Variants in PCNX4 observed in about 807,000 individuals in gnomAD.
PCNX4 encodes the protein pecanex 4.
Under a neutral mutation model 107.2 loss-of-function variants are expected in PCNX4, and 103 were observed. The observed-to-expected ratio is 0.96, with a 90% confidence interval of 0.82 to 1.13. The LOEUF is 1.13. Among genes scored for constraint, PCNX4 ranks in the 50% most tolerant of loss-of-function variants. PCNX4 has a pLI of 0.00. For missense variants in PCNX4, 1,528 were observed against 1,379.4 expected, an observed-to-expected ratio of 1.11 and a Z score of -1.71; for synonymous variants, 541 against 481.7, an observed-to-expected ratio of 1.12 and a Z score of -1.61.
rs191875588 is a variant in PCNX4 at position 60,147,666 on chromosome 14, A to G, written c.*13445A>G. 1.3e-3 allele frequency: 191 copies of G among 152,336 alleles called. No homozygotes were observed. Among genetic ancestry groups the G allele is most frequent in the Admixed American group, 0.011 (164 of 15,306 alleles). The allele number at this position is 152,336 out of a possible 1,614,324, so 9.4% of individuals were successfully genotyped here. ...CATATATTAAATTCATGTAATTCCC[A>G]TAACAATCCTGTGACTGGGCACTAT... is the stretch of plus-strand genomic sequence containing the variant. On this transcript the variant is annotated 3_prime_UTR_variant, in exon 11 of 11. Coordinates refer to ENST00000406854, the MANE Select transcript of PCNX4 (RefSeq NM_001330177.2).
At chr14:60,099,935 C>A (rs1895497690) in intron 1 of PCNX4, among the ~76,000 whole-genome samples, 2 of 151,834 alleles carry the variant, frequency 1.3e-5, no homozygotes, top group African/African-American at 4.8e-5. Flanking sequence ...GGTGGTGGCT[C>A]ATACCTTTCG....
In PCNX4 at chr14:60,125,639, A is replaced by G; in HGVS notation, c.3083A>G (p.Tyr1028Cys). ...LFQLALKAFR[Y>C]TLKLMIDKAS... ...CTTCGGTTCTCCATTTTTTTTAGGTATACTCTGAAACTAATGATTGATAAA... is the reference window on the plus strand; with the variant it reads ...CTTCGGTTCTCCATTTTTTTTAGGTGTACTCTGAAACTAATGATTGATAAA... The change falls in exon 10 of 11, where the codon TAT becomes TGT. Residue 1028 changes from tyrosine to cysteine, a missense_variant and splice_region_variant. Tyr to Cys is a radical substitution (Grantham distance 194). Transcript: ENST00000406854. The G allele has an allele frequency of 2.7e-6, 4 of 1,487,312 alleles. No individual in the cohort carries two copies. The highest frequency in any genetic ancestry group is 1.4e-5 in the South Asian group (1 of 71,004). 92.1% of individuals were successfully genotyped at this position (1,487,312 alleles called of 1,614,324 possible).
At position 60,124,325 on chromosome 14, in the gene PCNX4, T is replaced by G; in HGVS notation, c.2154T>G (p.Asn718Lys). The G allele has an allele frequency of 1.2e-6, 2 of 1,612,492 alleles. No homozygotes were observed. Among genetic ancestry groups the G allele is most frequent in the Non-Finnish European group, 1.7e-6 (2 of 1,179,046 alleles). The change falls in exon 9 of 11, where the codon AAT becomes AAG. Residue 718 changes from asparagine to lysine, a missense_variant. Transcript: ENST00000406854. Reference protein sequence around the residue: ...EQEYTRVCSLNEHFGNVLTPC... With the variant: ...EQEYTRVCSLKEHFGNVLTPC... ...AATACACAAGAGTATGTTCCCTTAA[T>G]GAACACTTTGGAAATGTCTTGACAC...
At position 60,139,372 on chromosome 14, in the gene PCNX4, AAGAG is replaced by A. The variant is rs1896281040; in HGVS notation, c.*5155_*5158del. On this transcript the variant is annotated 3_prime_UTR_variant, in exon 11 of 11. Coordinates refer to ENST00000406854, the MANE Select transcript of PCNX4 (RefSeq NM_001330177.2). ...AGACCTTAAGGTGAAAAGTATTACAAAGAGAGACAATTTGTAATGATAAAAGATT... is the reference window on the plus strand; with the variant it reads ...AGACCTTAAGGTGAAAAGTATTACAAAGACAATTTGTAATGATAAAAGATT... 6.6e-6 allele frequency: 1 copy of A among 151,836 alleles called. No individual in the cohort carries two copies. The highest frequency in any genetic ancestry group is 2.1e-4 in the South Asian group (1 of 4,782). The allele number at this position is 151,836 out of a possible 1,614,324, so 9.4% of individuals were successfully genotyped here. A position where few individuals can be genotyped will look rare whatever the true frequency, so the allele number is the denominator to read the frequency against.
At position 60,115,394 on chromosome 14, in the gene PCNX4, T is replaced by G. The variant is rs768457074; in HGVS notation, c.1290T>G (p.Thr430=). Residue 430 remains threonine, a synonymous_variant, in exon 4 of 11, where the codon ACT becomes ACG. Transcript: ENST00000406854. Reference sequence around the variant, plus strand: ...ATCCGAAGGATGTGCAAACTGTGACTGTATTCTTTGAGAAGCAAACTAGGC... The same window carrying G: ...ATCCGAAGGATGTGCAAACTGTGACGGTATTCTTTGAGAAGCAAACTAGGC... ...PFYPKDVQTV[T]VFFEKQTRLM... is the part of the protein sequence containing the mutation. 2 of 1,577,524 alleles carry G rather than the reference T, an allele frequency of 1.3e-6. No homozygotes were observed. Among genetic ancestry groups the G allele is most frequent in the Non-Finnish European group, 1.7e-6 (2 of 1,163,788 alleles).
At chr14:60,127,667 A>G (rs1178865538) in intron 10 of PCNX4, among the ~76,000 whole-genome samples, 2 of 152,250 alleles carry the variant, frequency 1.3e-5, no homozygotes, top group Admixed American at 6.5e-5. Context: ...ACCAGCACCC[A>G]GAATTTCTAC....
At chr14:60,098,545 C>A (rs1895470044) in intron 1 of PCNX4, among the ~76,000 whole-genome samples, 1 of 152,206 alleles carries the variant, frequency 6.6e-6, no homozygotes, top group South Asian at 2.1e-4. Flanking sequence ...TTCAGTCTTT[C>A]TTTTCTAGTA....
intron 1 of PCNX4, among the ~76,000 whole-genome samples, chr14:60,100,141 A>G (rs1895501427): frequency 6.6e-6 from 1 of 152,166 alleles, no homozygotes; most frequent in Non-Finnish European, 1.5e-5. Flanking sequence ...AATGCCCTTC[A>G]TATATGAAAA....
In PCNX4 at chr14:60,133,988, G is replaced by A. The variant is rs748068431; in HGVS notation, c.3286G>A (p.Val1096Met). 1.2e-6 allele frequency: 2 copies of A among 1,612,960 alleles called. No homozygotes were observed. Among genetic ancestry groups the A allele is most frequent in the Non-Finnish European group, 1.7e-6 (2 of 1,179,266 alleles). Residue 1096 changes from valine to methionine, a missense_variant, in exon 11 of 11, where the codon GTG (valine) becomes ATG (methionine). Coordinates refer to ENST00000406854, the MANE Select transcript of PCNX4 (RefSeq NM_001330177.2). ...TTTAAAGGGAATTTACACTGGGAGA[G>A]TGCTTAGCCTTCAAGAATTATTGAT... The part of the protein sequence containing the change: ...DSNMGIYTGR[V>M]LSLQELLIQV...
Position 60,145,025 on chromosome 14 carries a change from G to A in PCNX4, c.*10804G>A. 2 of 1,573,246 alleles carry A rather than the reference G, an allele frequency of 1.3e-6. No homozygotes were observed. Among genetic ancestry groups the A allele is most frequent in the Non-Finnish European group, 1.7e-6 (2 of 1,165,938 alleles). Reference sequence around the variant, plus strand: ...GAAGAGTCTGCATCCTGTAAAAGAGGGACAGAAACATGGATCAGTACCTAC... The same window carrying A: ...GAAGAGTCTGCATCCTGTAAAAGAGAGACAGAAACATGGATCAGTACCTAC... On this transcript the variant is annotated 3_prime_UTR_variant, in exon 11 of 11. Transcript: ENST00000406854. This position sits in a 1 kb window ranked among gnomAD's most constrained non-coding sequence, Gnocchi z 4.0.
In PCNX4 at chr14:60,124,509, G is replaced by A. The variant is rs573224545; in HGVS notation, c.2338G>A (p.Glu780Lys). 1.2e-6 allele frequency: 2 copies of A among 1,613,742 alleles called. No homozygotes were observed. The highest frequency in any genetic ancestry group is 4.5e-5 in the East Asian group (2 of 44,878). Reference sequence around the variant, plus strand: ...CTGCTCCAAAAGGCCTGGCATGAAAGAGAATGTTCACAACACTGAAAATAA... The same window carrying A: ...CTGCTCCAAAAGGCCTGGCATGAAAAAGAATGTTCACAACACTGAAAATAA... ...QYCSKRPGMK[E>K]NVHNTENKGK... The change falls in exon 9 of 11, where the codon GAG becomes AAG. Residue 780 changes from glutamate (E) to lysine (K), a missense_variant. By Grantham distance (56) the Glu-to-Lys change is moderately conservative (BLOSUM62 1). Transcript: ENST00000406854.
intron 1 of PCNX4, among the ~76,000 whole-genome samples, chr14:60,103,980 T>C (rs1189505117): frequency 6.6e-6 from 1 of 152,230 alleles, no homozygotes; most frequent in Non-Finnish European, 1.5e-5. Flanking sequence ...AAACAGTTTA[T>C]GGGCTTACTG....
Position 60,115,711 on chromosome 14 carries a change from TGTTTTA to T in PCNX4, c.1358-5_1358del, listed in dbSNP as rs1895833401. ...TAATTAAATTTCTCTCTTTTTGTTTTGTTTTAGTATCACCTTTTGCCATGATAGCAT... is the reference window on the plus strand; with the variant it reads ...TAATTAAATTTCTCTCTTTTTGTTTTGTATCACCTTTTGCCATGATAGCAT... On this transcript the variant is annotated splice_acceptor_variant and splice_polypyrimidine_tract_variant and intron_variant, in intron 4 of 10. Coordinates refer to ENST00000406854, the MANE Select transcript of PCNX4 (RefSeq NM_001330177.2). LOFTEE classifies it high-confidence loss of function. The T allele has an allele frequency of 6.2e-7, 1 of 1,603,550 alleles. No homozygotes were observed. Among genetic ancestry groups the T allele is most frequent in the Non-Finnish European group, 8.5e-7 (1 of 1,173,592 alleles).
chr14:60,098,658 G>A (rs1296005238), intron 1 of PCNX4, among the ~76,000 whole-genome samples: 2 of 152,100 alleles, frequency 1.3e-5, no homozygotes, highest in African/African-American at 4.8e-5. Context: ...AAAGTCTTTT[G>A]CTGGGCACGG....
At position 60,136,635 on chromosome 14, in the gene PCNX4, A is replaced by G. The variant is rs1268113941; in HGVS notation, c.*2414A>G. On this transcript the variant is annotated 3_prime_UTR_variant, in exon 11 of 11. Transcript: ENST00000406854. Reference sequence around the variant, plus strand: ...ACCTACAGAAGTGGGGGACCAGCTTAATGCCAGAGCCCACCGCTGCTTACA... The same window carrying G: ...ACCTACAGAAGTGGGGGACCAGCTTGATGCCAGAGCCCACCGCTGCTTACA... 1 of 152,576 alleles carries G rather than the reference A, an allele frequency of 6.6e-6. No individual in the cohort carries two copies. The highest frequency in any genetic ancestry group is 6.5e-5 in the Admixed American group (1 of 15,270). The allele number at this position is 152,576 out of a possible 1,614,324, so 9.5% of individuals were successfully genotyped here. A position where few individuals can be genotyped will look rare whatever the true frequency, so the allele number is the denominator to read the frequency against.
At position 60,145,371 on chromosome 14, in the gene PCNX4, G is replaced by A. The variant is rs898360702; in HGVS notation, c.*11150G>A. On this transcript the variant is annotated 3_prime_UTR_variant, in exon 11 of 11. Coordinates refer to ENST00000406854, the MANE Select transcript of PCNX4 (RefSeq NM_001330177.2). This position sits in a 1 kb window ranked among gnomAD's most constrained non-coding sequence, Gnocchi z 4.0. ...AGATTATGTAGAATTGAGATATATG[G>A]AAGATAACTCTTTAAAATTATTTGT... 1 of 159,978 alleles carries A rather than the reference G, an allele frequency of 6.3e-6. No individual in the cohort carries two copies. The highest frequency in any genetic ancestry group is 2.4e-5 in the African/African-American group (1 of 41,720). The allele number at this position is 159,978 out of a possible 1,614,324, so 9.9% of individuals were successfully genotyped here. A position where few individuals can be genotyped will look rare whatever the true frequency, so the allele number is the denominator to read the frequency against.
intron 10 of PCNX4, among the ~76,000 whole-genome samples, chr14:60,128,299 A>G (rs1266135031): frequency 6.6e-6 from 1 of 152,206 alleles, no homozygotes; most frequent in Non-Finnish European, 1.5e-5. Context: ...TCATAGTAAA[A>G]ATGTGGAAAT....
intron 1 of PCNX4, among the ~76,000 whole-genome samples, chr14:60,107,265 C>G (rs1459139305): frequency 1.3e-5 from 2 of 152,044 alleles, no homozygotes; most frequent in Non-Finnish European, 2.9e-5. Context: ...CCTATAGTCC[C>G]AGCTACTCAG....
rs780339445 is a variant in PCNX4, at chr14:60,115,160, A to C, written c.1056A>C (p.Ser352=). 6.2e-7 allele frequency: 1 copy of C among 1,613,374 alleles called. No homozygotes were observed. Among genetic ancestry groups the C allele is most frequent in the African/African-American group, 1.3e-5 (1 of 74,910 alleles). The change falls in exon 4 of 11, where the codon TCA becomes TCC. Residue 352 remains serine, a synonymous_variant. Coordinates refer to ENST00000406854, the MANE Select transcript of PCNX4 (RefSeq NM_001330177.2). ...DLPSGPEKHF[S]WKECLFYIII... is the part of the protein sequence containing the mutation. ...CCAGTGGTCCGGAAAAACATTTTTC[A>C]TGGAAGGAATGCCTTTTCTACATCA...
Sources: allele counts gnomAD v4.1 joint callset (sites outside exome capture counted in the v4.1 genomes callset), GRCh38; gene constraint gnomAD v4.1.1; non-coding constraint Gnocchi (gnomAD v3.1); transcripts MANE v1.5; gene names NCBI Gene and HGNC (gene_info 2026-07-23, HGNC 2026-07-21).